The following ARB2A variants were observed in gnomAD, a reference collection of about 807,000 sequenced individuals.
ARB2A encodes ARB2 cotranscriptional regulator A.
the ARB2A span, among the ~76,000 whole-genome samples, chr5:93,874,899 A>G: frequency 2.8e-4 from 42 of 152,312 alleles, 1 homozygote; most frequent in East Asian, 7.5e-3. Context: ...TTAGTTCTCA[A>G]TTGAGTCTCA....
the ARB2A span, among the ~76,000 whole-genome samples, chr5:93,836,507 T>C: frequency 6.6e-6 from 1 of 152,250 alleles, no homozygotes; most frequent in Non-Finnish European, 1.5e-5. Flanking sequence ...TGAGTATAAA[T>C]TGTGCATTAA....
chr5:93,857,676 G>A, the ARB2A span, among the ~76,000 whole-genome samples: 10 of 152,306 alleles, frequency 6.6e-5, no homozygotes, highest in East Asian at 1.9e-3. Flanking sequence ...CGATTTTCCA[G>A]GTGCCATCTC....
At chr5:93,742,512 T>C in the ARB2A span, among the ~76,000 whole-genome samples, 1 of 152,272 alleles carries the variant, frequency 6.6e-6, no homozygotes, top group South Asian at 2.1e-4. Flanking sequence ...GGGCCCTGTG[T>C]GCAGAAAGCT....
At chr5:93,708,067 C>T in the ARB2A span, among the ~76,000 whole-genome samples, 1 of 152,270 alleles carries the variant, frequency 6.6e-6, no homozygotes, top group African/African-American at 2.4e-5. Flanking sequence ...TTGCCACATT[C>T]ATTTCATCTC....
the ARB2A span, among the ~76,000 whole-genome samples, chr5:94,076,734 C>A: frequency 6.6e-6 from 1 of 152,158 alleles, no homozygotes; most frequent in African/African-American, 2.4e-5. Flanking sequence ...ATGAGGAATT[C>A]CACACAGCAC....
the ARB2A span, among the ~76,000 whole-genome samples, chr5:93,691,254 C>T: frequency 6.6e-6 from 1 of 151,752 alleles, no homozygotes; most frequent in Non-Finnish European, 1.5e-5. Flanking sequence ...TGTTCTAGCT[C>T]AATGCAAGGA....
At chr5:94,054,848 G>C in the ARB2A span, among the ~76,000 whole-genome samples, 332 of 152,184 alleles carry the variant, frequency 2.2e-3, 1 homozygote, top group Non-Finnish European at 3.7e-3. Flanking sequence ...GTATACTTTA[G>C]GTTATAATCC....
chr5:94,044,054 C>G, the ARB2A span, among the ~76,000 whole-genome samples: 2 of 152,088 alleles, frequency 1.3e-5, no homozygotes, highest in African/African-American at 2.4e-5. Flanking sequence ...TTTGGCTAAC[C>G]CTGCTTATTC....
chr5:93,931,005 G>C, the ARB2A span, among the ~76,000 whole-genome samples: 2 of 151,992 alleles, frequency 1.3e-5, no homozygotes, highest in Non-Finnish European at 2.9e-5. Context: ...ATGCTGACTG[G>C]CCCAGGTGTG....
the ARB2A span, among the ~76,000 whole-genome samples, chr5:93,747,945 A>G: frequency 6.6e-6 from 1 of 152,192 alleles, no homozygotes; most frequent in Admixed American, 6.5e-5. Flanking sequence ...AAGTGTATAC[A>G]GTGAAAATGC....
chr5:93,935,821 T>C, the ARB2A span, among the ~76,000 whole-genome samples: 2 of 152,206 alleles, frequency 1.3e-5, no homozygotes, highest in African/African-American at 4.8e-5. Flanking sequence ...CAAAATGATT[T>C]AGAATTTTTT....
chr5:93,742,054 T>C, the ARB2A span, among the ~76,000 whole-genome samples: 1 of 151,984 alleles, frequency 6.6e-6, no homozygotes, highest in African/African-American at 2.4e-5. Context: ...CTGCCAACAG[T>C]TCCTCTTTGC....
the ARB2A span, among the ~76,000 whole-genome samples, chr5:93,857,362 T>G: frequency 6.6e-6 from 1 of 152,292 alleles, no homozygotes; most frequent in Non-Finnish European, 1.5e-5. Context: ...GCTGTCTTTT[T>G]GTTTGTCTGT....
At chr5:93,883,924 T>TACACACACACACACAC in the ARB2A span, among the ~76,000 whole-genome samples, 6 of 133,972 alleles carry the variant, frequency 4.5e-5, no homozygotes, top group African/African-American at 8.5e-5. Flanking sequence ...CACATACACA[T>TACACACACACACACAC]ACACACACAC....
the ARB2A span, among the ~76,000 whole-genome samples, chr5:93,779,974 TA>T: frequency 6.6e-6 from 1 of 152,168 alleles, no homozygotes; most frequent in Non-Finnish European, 1.5e-5. Flanking sequence ...TAACTTTTTT[TA>T]AATAAAAACA....
At chr5:93,874,350 T>G in the ARB2A span, among the ~76,000 whole-genome samples, 1 of 152,224 alleles carries the variant, frequency 6.6e-6, no homozygotes, top group Admixed American at 6.5e-5. Context: ...TAGATAGCCT[T>G]AGGATGGGAC....
chr5:94,108,372 G>T, the ARB2A span, among the ~76,000 whole-genome samples: 1 of 150,240 alleles, frequency 6.7e-6, no homozygotes, highest in African/African-American at 2.4e-5. Context: ...ATAGAAGATG[G>T]TGTATTTTTT....
chr5:93,634,356 C>T, the ARB2A span, among the ~76,000 whole-genome samples: 5 of 151,346 alleles, frequency 3.3e-5, no homozygotes, highest in East Asian at 3.9e-4. Context: ...GCCGAGATCG[C>T]GCCATGGCAC....
chr5:93,886,357 G>A, the ARB2A span, among the ~76,000 whole-genome samples: 15 of 151,614 alleles, frequency 9.9e-5, no homozygotes, highest in Admixed American at 2.0e-4. Context: ...CTTCAGGCAA[G>A]GCTCTGTAAG....
Sources: gnomAD v4.1 joint callset for allele counts (sites outside exome capture counted in the v4.1 genomes callset) on GRCh38, gnomAD v4.1.1 for gene constraint, MANE v1.5 for transcripts, NCBI Gene and HGNC (gene_info 2026-07-23, HGNC 2026-07-21) for gene names.